The following GALNT13 variants were observed in gnomAD, a reference collection of about 807,000 sequenced individuals.
GALNT13 encodes polypeptide N-acetylgalactosaminyltransferase 13, also known as UDP-GalNAc:polypeptide N-acetylgalactosaminyltransferase 13.
GALNT13 carries 28 observed loss-of-function variants against 64.2 expected under a neutral mutation model. The ratio of observed to expected loss-of-function variants is 0.44; its 90% CI spans 0.32 to 0.60. The LOEUF (loss-of-function observed/expected upper bound fraction) is 0.60. Ranked by LOEUF, GALNT13 falls within the 20% of genes least tolerant of loss-of-function variation. GALNT13 has a pLI of 0.05. For synonymous variants in GALNT13, 214 were observed against 224.6 expected, an observed-to-expected ratio of 0.95 and a Z score of 0.42; for missense variants, 577 against 669.8, an observed-to-expected ratio of 0.86 and a Z score of 1.53.
the GALNT13 span, among the ~76,000 whole-genome samples, chr2:153,816,324 G>A: frequency 6.6e-6 from 1 of 152,164 alleles, no homozygotes; most frequent in Non-Finnish European, 1.5e-5. Flanking sequence ...CAGAGGTGCA[G>A]AAGGTGACAT....
chr2:153,254,783 G>T, the GALNT13 span, among the ~76,000 whole-genome samples: 1 of 152,176 alleles, frequency 6.6e-6, no homozygotes, highest in African/African-American at 2.4e-5. Context: ...GTGGTTTTGA[G>T]TGAGATTCTT....
intron 3 of GALNT13, among the ~76,000 whole-genome samples, chr2:153,958,829 G>A (rs1437550948): frequency 6.6e-6 from 1 of 152,222 alleles, no homozygotes; most frequent in Admixed American, 6.5e-5. Flanking sequence ...AGAAAGGAAA[G>A]GGTAAACAGC....
the GALNT13 span, among the ~76,000 whole-genome samples, chr2:153,549,823 C>T: frequency 1.3e-5 from 2 of 152,118 alleles, no homozygotes; most frequent in African/African-American, 2.4e-5. Flanking sequence ...TGCTGATGAC[C>T]ATATTAAAAA....
At chr2:153,649,868 G>A in the GALNT13 span, among the ~76,000 whole-genome samples, 1 of 152,124 alleles carries the variant, frequency 6.6e-6, no homozygotes, top group Non-Finnish European at 1.5e-5. Context: ...ATTTGCTGAG[G>A]AGTGCTTTAC....
At chr2:153,082,270 C>T in the GALNT13 span, among the ~76,000 whole-genome samples, 1 of 151,908 alleles carries the variant, frequency 6.6e-6, no homozygotes, top group Non-Finnish European at 1.5e-5. Context: ...GAGCAGTGTA[C>T]ACTGTACTCA....
intron 4 of GALNT13, among the ~76,000 whole-genome samples, chr2:154,158,454 T>C (rs945416224): frequency 6.6e-6 from 1 of 152,198 alleles, no homozygotes; most frequent in South Asian, 2.1e-4. Context: ...ATTGTAGCAA[T>C]CTACTAAGTG....
At chr2:154,053,490 T>A (rs1699751339) in intron 3 of GALNT13, among the ~76,000 whole-genome samples, 1 of 152,142 alleles carries the variant, frequency 6.6e-6, no homozygotes, top group Non-Finnish European at 1.5e-5. Context: ...GCCTGGATTT[T>A]ATATTAAATC....
chr2:154,018,751 T>G, intron 3 of GALNT13, among the ~76,000 whole-genome samples: 1 of 143,450 alleles, frequency 7.0e-6, no homozygotes, highest in South Asian at 2.2e-4. Context: ...GGCGAGGGAA[T>G]GAGGGAGAAA....
the GALNT13 span, among the ~76,000 whole-genome samples, chr2:153,157,108 C>G: frequency 2.6e-5 from 4 of 152,116 alleles, no homozygotes; most frequent in Non-Finnish European, 4.4e-5. Flanking sequence ...GATTCTGTTT[C>G]TATGAAAACT....
At chr2:154,137,500 G>A (rs1180383878) in intron 3 of GALNT13, among the ~76,000 whole-genome samples, 1 of 151,992 alleles carries the variant, frequency 6.6e-6, no homozygotes, top group South Asian at 2.1e-4. Context: ...CTAGGTATAC[G>A]GACACTGTTT....
chr2:153,749,609 G>A, the GALNT13 span, among the ~76,000 whole-genome samples: 1 of 151,736 alleles, frequency 6.6e-6, no homozygotes, highest in African/African-American at 2.4e-5. Context: ...ATTGTAAATG[G>A]GATTCCTTTT....
chr2:153,271,527 G>A, the GALNT13 span, among the ~76,000 whole-genome samples: 1 of 152,108 alleles, frequency 6.6e-6, no homozygotes, highest in African/African-American at 2.4e-5. Context: ...TTGCTACAAA[G>A]AGAATAAAAT....
At chr2:153,475,221 A>G in the GALNT13 span, among the ~76,000 whole-genome samples, 1 of 152,158 alleles carries the variant, frequency 6.6e-6, no homozygotes, top group Non-Finnish European at 1.5e-5. Context: ...CTAAGTAACA[A>G]ATGGATCTAA....
chr2:153,997,443 G>A (rs1010690649), intron 3 of GALNT13, among the ~76,000 whole-genome samples: 5 of 150,548 alleles, frequency 3.3e-5, no homozygotes, highest in African/African-American at 1.2e-4. Context: ...TATTATAAAT[G>A]GGGTAACTTT....
chr2:153,257,060 G>A, the GALNT13 span, among the ~76,000 whole-genome samples: 25 of 152,310 alleles, frequency 1.6e-4, no homozygotes, highest in East Asian at 2.7e-3. Flanking sequence ...CCTCGCTGCC[G>A]CCTTGCAATT....
At chr2:153,830,751 C>T in the GALNT13 span, among the ~76,000 whole-genome samples, 2 of 152,064 alleles carry the variant, frequency 1.3e-5, no homozygotes, top group Non-Finnish European at 2.9e-5. Flanking sequence ...AAACTTGTTC[C>T]TAGGTATCAT....
the GALNT13 span, among the ~76,000 whole-genome samples, chr2:153,844,106 T>C: frequency 5.8e-4 from 89 of 152,178 alleles, no homozygotes; most frequent in African/African-American, 1.1e-3. Flanking sequence ...CAGTGCTCCA[T>C]TGGGGACTCT....
the GALNT13 span, among the ~76,000 whole-genome samples, chr2:153,816,230 A>G: frequency 6.6e-6 from 1 of 152,214 alleles, no homozygotes; most frequent in Non-Finnish European, 1.5e-5. Flanking sequence ...GAGCCATCCG[A>G]ATCTGAGGTC....
At chr2:154,288,927 A>T (rs1692438824) in intron 8 of GALNT13, among the ~76,000 whole-genome samples, 1 of 152,176 alleles carries the variant, frequency 6.6e-6, no homozygotes, top group African/African-American at 2.4e-5. Flanking sequence ...TCACAGATCC[A>T]CTGGACAATG....
Sources: gnomAD v4.1 joint callset for allele counts (sites outside exome capture counted in the v4.1 genomes callset) on GRCh38, gnomAD v4.1.1 for gene constraint, MANE v1.5 for transcripts, NCBI Gene and HGNC (gene_info 2026-07-23, HGNC 2026-07-21) for gene names.